The following PRUNE2 variants were observed in gnomAD, a reference collection of about 807,000 sequenced individuals.
PRUNE2 encodes protein prune homolog 2.
PRUNE2 carries 164 observed loss-of-function variants against 252.0 expected under a neutral mutation model. That is an observed-to-expected ratio of 0.65 (90% confidence interval 0.57 to 0.74). The LOEUF (loss-of-function observed/expected upper bound fraction) is 0.74, where lower values mean the gene tolerates loss of function less well. PRUNE2 is among the 30% of genes least tolerant of loss of function. PRUNE2 has a pLI of 0.00. For missense variants in PRUNE2, 3,495 were observed against 3,711.0 expected (o/e 0.94, Z 1.51); for synonymous variants, 1,292 against 1,350.2 (o/e 0.96, Z 0.94).
intron 18 of PRUNE2, among the ~76,000 whole-genome samples, chr9:76,616,943 C>T (rs1205824438): frequency 6.7e-6 from 1 of 150,230 alleles, no homozygotes; most frequent in African/African-American, 2.5e-5. Context: ...GAGACAAGCA[C>T]CCAGGGCTAT....
intron 6 of PRUNE2, among the ~76,000 whole-genome samples, chr9:76,814,915 G>A (rs1459125295): frequency 2.0e-5 from 3 of 152,154 alleles, no homozygotes; most frequent in Non-Finnish European, 4.4e-5. Flanking sequence ...AAAATGGCAT[G>A]CATCTCCTCC....
Position 76,703,720 on chromosome 9 carries a change from C to T in PRUNE2, c.7893G>A (p.Gln2631=), listed in dbSNP as rs1235362949. 1 of 1,613,574 alleles carries T rather than the reference C, an allele frequency of 6.2e-7. No homozygotes were observed. The highest frequency in any genetic ancestry group is 1.3e-5 in the African/African-American group (1 of 74,894). The part of the protein sequence containing the change: ...RSSFESPAQD[Q]SWMFLGHSEV... The stretch of plus-strand genomic sequence containing the variant: ...CACTATGGCCCAAGAACATCCAACT[C>T]TGGTCTTGTGCAGGGCTTTCAAAAG... The change falls in exon 9 of 19, where the codon CAG becomes CAA. Residue 2631 remains glutamine, a synonymous_variant. Transcript: ENST00000376718.
At chr9:76,806,038 T>C (rs996917955) in intron 6 of PRUNE2, among the ~76,000 whole-genome samples, 2 of 152,238 alleles carry the variant, frequency 1.3e-5, no homozygotes, top group Non-Finnish European at 2.9e-5. Flanking sequence ...TCAGTATCTG[T>C]GTATATGCAT....
intron 1 of PRUNE2, among the ~76,000 whole-genome samples, chr9:76,887,534 G>A (rs1359667177): frequency 6.6e-6 from 1 of 152,192 alleles, no homozygotes; most frequent in Non-Finnish European, 1.5e-5. Context: ...TTCAGTGCCT[G>A]CCCATGGGCA....
chr9:76,710,967 C>T lies in PRUNE2; in HGVS notation c.1307G>A (p.Ser436Asn). 6.2e-7 allele frequency: 1 copy of T among 1,603,634 alleles called. No individual in the cohort carries two copies. Among genetic ancestry groups the T allele is most frequent in the South Asian group, 1.1e-5 (1 of 89,314 alleles). ...AACAGAGCTCTCCTTGGATGAGCGG[C>T]TGCTCCTAATGGTAGCCAGTCCGCT... The part of the protein sequence containing the change: ...PDSGLATIRS[S>N]RSSKESSVFL... The change falls in exon 8 of 19, where the codon AGC becomes AAC. Residue 436 changes from serine (S) to asparagine (N), a missense_variant. Physicochemically the swap from Ser to Asn is conservative, Grantham distance 46 (BLOSUM62 1). Coordinates refer to ENST00000376718, the MANE Select transcript of PRUNE2 (RefSeq NM_015225.3).
intron 5 of PRUNE2, among the ~76,000 whole-genome samples, chr9:76,825,701 A>T (rs2058306609): frequency 6.6e-6 from 1 of 152,196 alleles, no homozygotes. Context: ...GCAGACTGGG[A>T]CGTCAAAGCA....
chr9:76,904,431 T>C (rs1443278226), intron 1 of PRUNE2, among the ~76,000 whole-genome samples: 2 of 152,212 alleles, frequency 1.3e-5, no homozygotes, highest in African/African-American at 4.8e-5. Context: ...ATAAATGTTA[T>C]GGGAGTGAAA....
At chr9:76,702,234 T>A (rs566939964) in intron 9 of PRUNE2, among the ~76,000 whole-genome samples, 1 of 152,086 alleles carries the variant, frequency 6.6e-6, no homozygotes, top group South Asian at 2.1e-4. Flanking sequence ...AGTTTTGAAT[T>A]TTTAGTAGAG....
intron 6 of PRUNE2, among the ~76,000 whole-genome samples, chr9:76,812,012 G>C (rs1029892179): frequency 6.6e-6 from 1 of 152,214 alleles, no homozygotes; most frequent in Non-Finnish European, 1.5e-5. Context: ...GAAAAGGAAA[G>C]AGGGGAAGTG....
intron 4 of PRUNE2, among the ~76,000 whole-genome samples, chr9:76,832,541 A>C (rs2132133434): frequency 6.6e-6 from 1 of 152,292 alleles, no homozygotes; most frequent in East Asian, 1.9e-4. Context: ...CTAAATGAGA[A>C]TGAAAATATG....
intron 4 of PRUNE2, among the ~76,000 whole-genome samples, chr9:76,837,249 C>G (rs1252088542): frequency 6.6e-6 from 1 of 152,034 alleles, no homozygotes; most frequent in Admixed American, 6.6e-5. Context: ...TGAGACCATC[C>G]TGGCCAACAT....
chr9:76,718,713 C>A (rs1365485977), intron 6 of PRUNE2, among the ~76,000 whole-genome samples: 1 of 152,098 alleles, frequency 6.6e-6, no homozygotes, highest in Non-Finnish European at 1.5e-5. Context: ...TCTTACCCAG[C>A]CACATGGCTT....
At chr9:76,670,680 T>C (rs990984401) in intron 9 of PRUNE2, among the ~76,000 whole-genome samples, 1 of 152,012 alleles carries the variant, frequency 6.6e-6, no homozygotes, top group African/African-American at 2.4e-5. Context: ...GAGCAGTGGT[T>C]CTCCCAGCAC....
intron 6 of PRUNE2, among the ~76,000 whole-genome samples, chr9:76,775,607 G>T (rs1397162671): frequency 6.6e-6 from 1 of 152,052 alleles, no homozygotes; most frequent in East Asian, 1.9e-4. Flanking sequence ...AGCCTATTTT[G>T]TCATTTTAAA....
intron 6 of PRUNE2, among the ~76,000 whole-genome samples, chr9:76,790,370 C>G (rs2055433241): frequency 1.3e-5 from 2 of 152,188 alleles, no homozygotes; most frequent in Admixed American, 1.3e-4. Flanking sequence ...GCCACAGTGA[C>G]CTCTAGTTAA....
chr9:76,805,713 C>T (rs1202642439), intron 6 of PRUNE2, among the ~76,000 whole-genome samples: 1 of 152,178 alleles, frequency 6.6e-6, no homozygotes, highest in Non-Finnish European at 1.5e-5. Flanking sequence ...CCACAGCTGG[C>T]TAATTTGTCC....
intron 18 of PRUNE2, among the ~76,000 whole-genome samples, chr9:76,616,075 G>GT (rs1273960267): frequency 7.9e-5 from 12 of 151,070 alleles, no homozygotes; most frequent in Non-Finnish European, 1.6e-4. Flanking sequence ...GCCCCTCAGT[G>GT]TTTTTTTGAA....
chr9:76,627,102 TTTTC>T lies in PRUNE2; in HGVS notation c.9149+2086_9149+2089del, dbSNP rs1432913514. Among the ~76,000 whole-genome samples the T allele has an allele frequency of 6.9e-5, 8 of 116,484 alleles. No individual in the cohort carries two copies. The South Asian group carries it at 1.1e-3, about 16-fold the overall frequency. The allele number at this position is 116,484 out of a possible 152,430, so 76.4% of individuals were successfully genotyped here. A position where few individuals can be genotyped will look rare whatever the true frequency, so the allele number is the denominator to read the frequency against. Reference sequence around the variant, plus strand: ...GTTTCCATACTTCTTCATCTTTTTTTTTTCTTCTTCTTTTTTGAGACAGCGTCTC... The same window carrying T: ...GTTTCCATACTTCTTCATCTTTTTTTTTCTTCTTTTTTGAGACAGCGTCTC... On this transcript the variant is annotated intron_variant, in intron 16 of 18. Coordinates refer to ENST00000376718, the MANE Select transcript of PRUNE2 (RefSeq NM_015225.3).
intron 1 of PRUNE2, among the ~76,000 whole-genome samples, chr9:76,877,577 G>A (rs1350412422): frequency 1.3e-5 from 2 of 152,060 alleles, no homozygotes; most frequent in African/African-American, 2.4e-5. Context: ...AGACTCTGAG[G>A]TGTCCTTCTA....
Sources: gnomAD v4.1 joint callset for allele counts (sites outside exome capture counted in the v4.1 genomes callset) on GRCh38, gnomAD v4.1.1 for gene constraint, MANE v1.5 for transcripts, NCBI Gene and HGNC (gene_info 2026-07-23, HGNC 2026-07-21) for gene names.